CERKL: variants seen among roughly 807,000 people sequenced by gnomAD.
CERKL encodes ceramide kinase-like protein.
Under a neutral mutation model 63.4 loss-of-function variants are expected in CERKL, and 61 were observed. The observed-to-expected ratio is 0.96, with a 90% CI of 0.78 to 1.19. CERKL has a LOEUF of 1.19. Among genes scored for constraint, CERKL ranks in the 50% most tolerant of loss-of-function variants. The probability of loss-of-function intolerance (pLI) is 0.00; values close to 1 mark genes in which losing one functional copy is unlikely to be tolerated. For synonymous variants in CERKL, 250 were observed against 230.5 expected (o/e 1.08, Z -0.77); for missense variants, 675 against 655.5 (o/e 1.03, Z -0.33).
chr2:181,569,445 T>C (rs1688805848), intron 3 of CERKL, among the ~76,000 whole-genome samples: 1 of 152,114 alleles, frequency 6.6e-6, no homozygotes, highest in South Asian at 2.1e-4. Context: ...ATGGAAGGCT[T>C]CAAGTAGAGC....
At chr2:181,562,639 A>G (rs1000811532) in intron 4 of CERKL, among the ~76,000 whole-genome samples, 9 of 152,310 alleles carry the variant, frequency 5.9e-5, no homozygotes, top group African/African-American at 2.2e-4. Context: ...TTGTTTTTAA[A>G]ATAAGTAAAC....
intron 1 of CERKL, among the ~76,000 whole-genome samples, chr2:181,611,881 G>A (rs1253503146): frequency 6.6e-6 from 1 of 152,140 alleles, no homozygotes; most frequent in Non-Finnish European, 1.5e-5. Flanking sequence ...TGTCTTCAGT[G>A]AAAATATTTC....
chr2:181,594,012 A>C (rs1685091968), intron 2 of CERKL, among the ~76,000 whole-genome samples: 1 of 152,190 alleles, frequency 6.6e-6, no homozygotes, highest in South Asian at 2.1e-4. Flanking sequence ...GGATTAAAAA[A>C]TATTGACCAC....
chr2:181,562,920 A>G (rs143949754), intron 4 of CERKL, among the ~76,000 whole-genome samples: 30 of 152,282 alleles, frequency 2.0e-4, no homozygotes, highest in African/African-American at 6.3e-4. Flanking sequence ...TAATCCAAAT[A>G]ATGTCTACAA....
intron 3 of CERKL, among the ~76,000 whole-genome samples, chr2:181,568,211 T>C (rs972628140): frequency 5.3e-5 from 8 of 152,186 alleles, no homozygotes; most frequent in African/African-American, 1.7e-4. Context: ...TAAGGAAACA[T>C]TTCTTGGTTT....
intron 2 of CERKL, among the ~76,000 whole-genome samples, chr2:181,575,409 A>G (rs1290373429): frequency 6.6e-6 from 1 of 152,238 alleles, no homozygotes; most frequent in South Asian, 2.1e-4. Context: ...CAAGGGATTA[A>G]GATATGATTC....
At chr2:181,551,620 G>A (rs958132160) in intron 5 of CERKL, among the ~76,000 whole-genome samples, 1 of 151,994 alleles carries the variant, frequency 6.6e-6, no homozygotes, top group Admixed American at 6.6e-5. Flanking sequence ...ACACCAGTCA[G>A]AATGGCGATT....
At chr2:181,641,282 T>C (rs558252865) in intron 1 of CERKL, among the ~76,000 whole-genome samples, 80 of 148,082 alleles carry the variant, frequency 5.4e-4, no homozygotes, top group African/African-American at 1.9e-3. Flanking sequence ...TATGTGTGTA[T>C]ATATGTATAT....
At chr2:181,603,786 T>C (rs766976150) in intron 2 of CERKL, 51 bp downstream of exon 2, 11 of 1,571,402 alleles carry the variant, frequency 7.0e-6, no homozygotes, top group Admixed American at 1.7e-5. Context: ...AGATTAATCA[T>C]GTATATCAAG....
intron 1 of CERKL, among the ~76,000 whole-genome samples, chr2:181,631,364 C>T (rs1479927706): frequency 6.6e-6 from 1 of 152,148 alleles, no homozygotes; most frequent in Non-Finnish European, 1.5e-5. Context: ...TAGATACACA[C>T]CTGGAAAGTT....
chr2:181,550,363 T>C lies in CERKL; in HGVS notation c.821-655A>G, dbSNP rs1287532025. 6.6e-6 allele frequency among the ~76,000 whole-genome samples: 1 copy of C among 152,146 alleles called. No individual in the cohort carries two copies. The highest frequency in any genetic ancestry group is 2.4e-5 in the African/African-American group (1 of 41,452). On this transcript the variant is annotated intron_variant, in intron 5 of 12. Coordinates refer to ENST00000410087, the MANE Select transcript of CERKL (RefSeq NM_201548.5). This position sits in a 1 kb window ranked among gnomAD's most constrained non-coding sequence, Gnocchi z 4.5. ...TGATTATTAGAATTTAAGACACACC[T>C]GGATTTTCCCCACCAGTCCACAGAG...
At chr2:181,580,336 A>G (rs1684450912) in intron 2 of CERKL, among the ~76,000 whole-genome samples, 1 of 150,032 alleles carries the variant, frequency 6.7e-6, no homozygotes, top group Non-Finnish European at 1.5e-5. Flanking sequence ...CTAACTGGCT[A>G]TAGCCTGCAT....
At chr2:181,570,130 TG>T (rs1688842782) in intron 3 of CERKL, among the ~76,000 whole-genome samples, 1 of 152,184 alleles carries the variant, frequency 6.6e-6, no homozygotes, top group Non-Finnish European at 1.5e-5. Context: ...GGCACCTTTT[TG>T]TAAGTCAGCA....
intron 1 of CERKL, among the ~76,000 whole-genome samples, chr2:181,613,276 A>G (rs1686052786): frequency 6.6e-6 from 1 of 152,218 alleles, no homozygotes; most frequent in African/African-American, 2.4e-5. Flanking sequence ...AGCCAAATTT[A>G]AAACAGTAGG....
chr2:181,563,137 C>T (rs2105827988), intron 4 of CERKL, among the ~76,000 whole-genome samples: 1 of 152,068 alleles, frequency 6.6e-6, no homozygotes, highest in East Asian at 1.9e-4. Context: ...ATTTTCCTTC[C>T]TAAAACTTCC....
At chr2:181,641,014 T>C (rs112657506) in intron 1 of CERKL, among the ~76,000 whole-genome samples, 102 of 152,276 alleles carry the variant, frequency 6.7e-4, no homozygotes, top group East Asian at 4.4e-3. Context: ...CATGTGGACA[T>C]AGCATATTTA....
At chr2:181,605,406 C>A (rs1428282523) in intron 1 of CERKL, among the ~76,000 whole-genome samples, 2 of 152,168 alleles carry the variant, frequency 1.3e-5, no homozygotes, top group Non-Finnish European at 2.9e-5. Flanking sequence ...CAGATAAGAA[C>A]TACTAGAAGA....
chr2:181,566,736 C>T (rs563629042), intron 3 of CERKL, among the ~76,000 whole-genome samples: 4 of 152,258 alleles, frequency 2.6e-5, no homozygotes, highest in South Asian at 2.1e-4. Context: ...CACTCTGTAT[C>T]GCTGTCTCCA....
chr2:181,595,310 C>G (rs897061824), intron 2 of CERKL, among the ~76,000 whole-genome samples: 1 of 151,972 alleles, frequency 6.6e-6, no homozygotes, highest in African/African-American at 2.4e-5. Flanking sequence ...ATAATAGCAA[C>G]AGTCATGAGG....
Sources: gnomAD v4.1 joint callset for allele counts (sites outside exome capture counted in the v4.1 genomes callset) on GRCh38, gnomAD v4.1.1 for gene constraint, Gnocchi (gnomAD v3.1) non-coding constraint, MANE v1.5 for transcripts, NCBI Gene and HGNC (gene_info 2026-07-23, HGNC 2026-07-21) for gene names.